The following BRWD1 variants were observed in gnomAD, a reference collection of about 807,000 sequenced individuals.
BRWD1 encodes the protein bromodomain and WD repeat-containing protein 1.
BRWD1 carries 82 observed loss-of-function variants against 251.2 expected under a neutral mutation model. The observed-to-expected ratio is 0.33, with a 90% CI of 0.27 to 0.39. The LOEUF is 0.39. BRWD1 is among the 10% of genes least tolerant of loss of function. The pLI, the probability that BRWD1 is intolerant of heterozygous loss-of-function variation, is 1.00. For synonymous variants in BRWD1, 918 were observed against 902.8 expected (o/e 1.02, Z -0.30); for missense variants, 2,233 against 2,711.6 (o/e 0.82, Z 3.92).
rs1454224440 is a variant in BRWD1, at chr21:39,188,806, CAACT to C, written c.*7449_*7452del. 4.9e-5 allele frequency: 48 copies of C among 985,278 alleles called. No individual in the cohort carries two copies. The highest frequency in any genetic ancestry group is 5.3e-5 in the Non-Finnish European group (44 of 829,920). The allele number at this position is 985,278 out of a possible 1,614,324, so 61.0% of individuals were successfully genotyped here. A position where few individuals can be genotyped will look rare whatever the true frequency, so the allele number is the denominator to read the frequency against. The stretch of plus-strand genomic sequence containing the variant: ...CCACATACACATCAGTTCCTTTTGC[CAACT>C]AACTTATGTGATTCACATGTTTTTC... On this transcript the variant is annotated 3_prime_UTR_variant, in exon 41 of 41. Transcript: ENST00000342449.
In BRWD1 at chr21:39,191,197, C is replaced by A. The variant is rs1344063057; in HGVS notation, c.*5062G>T. 1.0e-6 allele frequency: 1 copy of A among 985,330 alleles called. No homozygotes were observed. The highest frequency in any genetic ancestry group is 1.2e-6 in the Non-Finnish European group (1 of 829,892). The allele number at this position is 985,330 out of a possible 1,614,324, so 61.0% of individuals were successfully genotyped here. On this transcript the variant is annotated 3_prime_UTR_variant, in exon 41 of 41. Coordinates refer to ENST00000342449, the MANE Select transcript of BRWD1 (RefSeq NM_033656.4). ...TACTGGAAAGAAACCAGGCCACAGA[C>A]AATCCAATGGCAAACCCCTTTTCCA...
At chr21:39,254,424 A>T (rs1601394000) in intron 19 of BRWD1, among the ~76,000 whole-genome samples, 1 of 1,560 alleles carries the variant, frequency 6.4e-4, no homozygotes. Context: ...AGGGAGCCTT[A>T]GAAAAGAGGC....
chr21:39,248,583 A>T (rs2034278391), intron 20 of BRWD1, among the ~76,000 whole-genome samples: 1 of 139,498 alleles, frequency 7.2e-6, no homozygotes, highest in African/African-American at 2.7e-5. Flanking sequence ...CGCTGCAGTG[A>T]GTGAGCCATG....
chr21:39,295,352 A>C (rs959333250), intron 7 of BRWD1, among the ~76,000 whole-genome samples: 1 of 151,600 alleles, frequency 6.6e-6, no homozygotes, highest in African/African-American at 2.4e-5. Context: ...ACACCCGGCT[A>C]ATTTTTCTGT....
At chr21:39,245,669 G>A (rs540671072) in intron 21 of BRWD1, among the ~76,000 whole-genome samples, 46 of 150,356 alleles carry the variant, frequency 3.1e-4, no homozygotes, top group Middle Eastern at 6.8e-3. Context: ...GCGCAGTCTC[G>A]GCTCACTGCA....
intron 18 of BRWD1, among the ~76,000 whole-genome samples, chr21:39,257,685 T>C (rs1246852509): frequency 6.6e-6 from 1 of 152,144 alleles, no homozygotes; most frequent in African/African-American, 2.4e-5. Flanking sequence ...GATCACTGTA[T>C]TATGGTTATG....
intron 36 of BRWD1, 62 bp from the exon 37 acceptor site, chr21:39,206,336 T>A (rs191261057): frequency 8.2e-6 from 10 of 1,221,456 alleles, no homozygotes; most frequent in Non-Finnish European, 1.1e-5. Flanking sequence ...TAAGAAATAA[T>A]TGTAATCATT....
At chr21:39,270,656 A>T (rs2035069073) in intron 13 of BRWD1, among the ~76,000 whole-genome samples, 1 of 152,240 alleles carries the variant, frequency 6.6e-6, no homozygotes, top group African/African-American at 2.4e-5. Flanking sequence ...GAGACTGAAT[A>T]AGGGCAGATT....
intron 5 of BRWD1, 42 bp from the exon 6 acceptor site, chr21:39,296,405 A>T (rs1399576170): frequency 1.3e-6 from 2 of 1,505,696 alleles, no homozygotes; most frequent in Non-Finnish European, 1.8e-6. Flanking sequence ...CTTGAAAGTT[A>T]ACCCCAAGAA....
intron 17 of BRWD1, among the ~76,000 whole-genome samples, chr21:39,262,791 G>T (rs902809247): frequency 2.6e-5 from 4 of 152,180 alleles, no homozygotes; most frequent in Non-Finnish European, 5.9e-5. Flanking sequence ...CTGATTACAA[G>T]GGACTGGGAG....
At chr21:39,241,738 T>C (rs2034011613) in intron 21 of BRWD1, among the ~76,000 whole-genome samples, 1 of 152,128 alleles carries the variant, frequency 6.6e-6, no homozygotes, top group Admixed American at 6.5e-5. Flanking sequence ...CAAATTGAAG[T>C]TTTGTGACAA....
intron 12 of BRWD1, among the ~76,000 whole-genome samples, chr21:39,275,812 C>T (rs1181699483): frequency 2.0e-5 from 3 of 152,094 alleles, no homozygotes; most frequent in Non-Finnish European, 2.9e-5. Context: ...GCAGGCAGAT[C>T]ACCTGAAGTC....
In BRWD1 at chr21:39,187,060, C is replaced by CT; in HGVS notation, c.*9198dup. The CT allele has an allele frequency of 6.3e-7, 1 of 1,587,224 alleles. No homozygotes were observed. The highest frequency in any genetic ancestry group is 1.2e-5 in the South Asian group (1 of 85,192). On this transcript the variant is annotated 3_prime_UTR_variant, in exon 41 of 41. Coordinates refer to ENST00000342449, the MANE Select transcript of BRWD1 (RefSeq NM_033656.4). ...ATTTTCTTTCCAGGATCTGAACCCC[C>CT]TTAAAAAAAGCATTTTTCTATTAAT...
At chr21:39,207,126 AG>A (rs2032430137) in intron 36 of BRWD1, among the ~76,000 whole-genome samples, 1 of 152,178 alleles carries the variant, frequency 6.6e-6, no homozygotes, top group African/African-American at 2.4e-5. Context: ...AGTTATTTTC[AG>A]TATTTCATAT....
intron 30 of BRWD1, 105 bp from the exon 31 acceptor site, chr21:39,218,377 C>A (rs1187575483): frequency 7.6e-6 from 11 of 1,446,704 alleles, no homozygotes; most frequent in Non-Finnish European, 1.0e-5. Flanking sequence ...ACATTACAGG[C>A]TAAATTAAAA....
intron 37 of BRWD1, among the ~76,000 whole-genome samples, chr21:39,205,255 T>G (rs1375602771): frequency 6.6e-6 from 1 of 151,844 alleles, no homozygotes; most frequent in African/African-American, 2.4e-5. Context: ...GGAAGGATCT[T>G]GATCCCAGGA....
At position 39,250,828 on chromosome 21, in the gene BRWD1, T is replaced by C; in HGVS notation, c.2317A>G (p.Arg773Gly). 2.5e-6 allele frequency: 4 copies of C among 1,599,244 alleles called. No homozygotes were observed. The highest frequency in any genetic ancestry group is 2.6e-6 in the Non-Finnish European group (3 of 1,174,390). Residue 773 changes from arginine (R) to glycine (G), a missense_variant, in exon 20 of 41, where the codon AGA (arginine) becomes GGA (glycine). Around this residue, in one of 12 missense-constraint regions of BRWD1, gnomAD observed 214 missense variants for 222.0 expected, o/e 0.96. Coordinates refer to ENST00000342449, the MANE Select transcript of BRWD1 (RefSeq NM_033656.4). ...EEERNLYIIG[R>G]KRKTLQLSHK... ...GAGAGCTGAAGAGTCTTTCTTTTTC[T>C]TCCTATTATATAAAGATTTCTTTCC...
Position 39,197,056 on chromosome 21 carries a change from C to T in BRWD1, c.6013G>A (p.Gly2005Ser). The change falls in exon 41 of 41, where the codon GGT (glycine) becomes AGT (serine). Residue 2005 changes from glycine to serine, a missense_variant. Physicochemically the swap from Gly to Ser is moderately conservative, Grantham distance 56. Around this residue, in one of 12 missense-constraint regions of BRWD1, gnomAD observed 928 missense variants for 970.0 expected, o/e 0.96. Coordinates refer to ENST00000342449, the MANE Select transcript of BRWD1 (RefSeq NM_033656.4). ...GCCTGACTAAGCACTTTTGTACTAC[C>T]TTCGGAGTCAGGATCAGGTGGCTTG... is the stretch of plus-strand genomic sequence containing the variant. ...EGKPPDPDSE[G>S]STKVLSQALN... is the part of the protein sequence containing the mutation. 1 of 1,614,116 alleles carries T rather than the reference C, an allele frequency of 6.2e-7. No individual in the cohort carries two copies.
In BRWD1 at chr21:39,295,878, G is replaced by C; in HGVS notation, c.474C>G (p.Leu158=). The C allele has an allele frequency of 6.2e-7, 1 of 1,601,974 alleles. No homozygotes were observed. The highest frequency in any genetic ancestry group is 8.5e-7 in the Non-Finnish European group (1 of 1,173,236). ...CTGTACTAAAAGTGGAACACCCTGT[G>C]AGTTGTTTTCCTCGATGTATCTCCA... is the stretch of plus-strand genomic sequence containing the variant. ...NLVEIHRGKQ[L]TGCSTFSTAF... The change falls in exon 7 of 41, where the codon CTC becomes CTG. Residue 158 remains leucine, a synonymous_variant. Coordinates refer to ENST00000342449, the MANE Select transcript of BRWD1 (RefSeq NM_033656.4).
Sources: gnomAD v4.1 joint callset for allele counts (sites outside exome capture counted in the v4.1 genomes callset) on GRCh38, gnomAD v4.1.1 for gene constraint, gnomAD v4.1.1 regional missense constraint, MANE v1.5 for transcripts, NCBI Gene and HGNC (gene_info 2026-07-23, HGNC 2026-07-21) for gene names.